TASOR: variants seen among roughly 807,000 people sequenced by gnomAD.
TASOR encodes transcription activation suppressor.
In TASOR, 53 loss-of-function variants were observed where a neutral mutation model predicts 178.6. The ratio of observed to expected loss-of-function variants is 0.30; its 90% confidence interval spans 0.24 to 0.37. The LOEUF (loss-of-function observed/expected upper bound fraction) is 0.37, where lower values mean the gene tolerates loss of function less well. Among genes scored for constraint, TASOR ranks in the 10% least tolerant of loss-of-function variants. The pLI is 1.00. For synonymous variants in TASOR, 713 were observed against 696.2 expected, an observed-to-expected ratio of 1.02 and a Z score of -0.38; for missense variants, 1,815 against 1,971.4, an observed-to-expected ratio of 0.92 and a Z score of 1.50.
In TASOR at chr3:56,621,718, A is replaced by G. The variant is rs545088616; in HGVS notation, c.*1319T>C. On this transcript the variant is annotated 3_prime_UTR_variant, in exon 24 of 24. Transcript: ENST00000683822. Reference sequence around the variant, plus strand: ...TTTTTCAAATAGCCTAGATTTACTTATTTTTTTAAATGCTCATTAAAAACT... The same window carrying G: ...TTTTTCAAATAGCCTAGATTTACTTGTTTTTTTAAATGCTCATTAAAAACT... 37 of 702,692 alleles carry G rather than the reference A, an allele frequency of 5.3e-5. No homozygotes were observed. The East Asian group carries it at 1.1e-3, about 21-fold the overall frequency. 43.5% of individuals were successfully genotyped at this position (702,692 alleles called of 1,614,324 possible). A position where few individuals can be genotyped will look rare whatever the true frequency, so the allele number is the denominator to read the frequency against.
chr3:56,658,976 G>GTA (rs2077534863), intron 11 of TASOR, among the ~76,000 whole-genome samples: 1 of 148,384 alleles, frequency 6.7e-6, no homozygotes, highest in Non-Finnish European at 1.5e-5. Context: ...GTGTGTGTGT[G>GTA]TGTGCACGCG....
At chr3:56,646,041 G>A (rs911954702) in intron 14 of TASOR, among the ~76,000 whole-genome samples, 2 of 152,086 alleles carry the variant, frequency 1.3e-5, no homozygotes, top group Non-Finnish European at 2.9e-5. Context: ...CCAGCTACTC[G>A]GGAGGCTGAG....
intron 5 of TASOR, 149 bp downstream of exon 5, chr3:56,669,551 G>C (rs1416853297): frequency 3.7e-6 from 2 of 546,160 alleles, no homozygotes; most frequent in Non-Finnish European, 6.4e-6. Flanking sequence ...AAAAAAGATG[G>C]CAAATAAACC....
At chr3:56,667,086 G>A (rs1320665540) in intron 6 of TASOR, among the ~76,000 whole-genome samples, 1 of 152,042 alleles carries the variant, frequency 6.6e-6, no homozygotes, top group African/African-American at 2.4e-5. Flanking sequence ...AAAACGTAAG[G>A]CCAGTTTGCA....
At position 56,646,843 on chromosome 3, in the gene TASOR, ACTG is replaced by A; in HGVS notation, c.1891_1893del (p.Gln631del). ...CCTTCATAATCTGAAAGTGGACTAA[ACTG>A]CTGAAGTTTTCTATTTTCTTCAAAT... On this transcript the variant is annotated inframe_deletion, in exon 14 of 24. Coordinates refer to ENST00000683822, the MANE Select transcript of TASOR (RefSeq NM_001365635.2). The A allele has an allele frequency of 2.5e-6, 4 of 1,607,192 alleles. 1 individual carries two copies. Among genetic ancestry groups the A allele is most frequent in the East Asian group, 4.5e-5 (2 of 44,828 alleles).
intron 2 of TASOR, among the ~76,000 whole-genome samples, chr3:56,673,144 T>C (rs1339577643): frequency 6.6e-6 from 1 of 152,204 alleles, no homozygotes; most frequent in East Asian, 1.9e-4. Flanking sequence ...TAGTAAGCTA[T>C]CTCTACACTT....
chr3:56,639,974 T>C lies in TASOR; in HGVS notation c.2764+12A>G, dbSNP rs756060055. The C allele has an allele frequency of 3.8e-6, 6 of 1,596,606 alleles. No individual in the cohort carries two copies. The highest frequency in any genetic ancestry group is 3.5e-5 in the Admixed American group (2 of 56,742). ...AATGAAGCAAACACAAGTCCAAGTA[T>C]ACTTTTCTTACCTGTAATTGGAATC... On this transcript the variant is annotated intron_variant, in intron 16 of 23. Transcript: ENST00000683822.
At chr3:56,625,661 A>G (rs1461214736) in intron 21 of TASOR, among the ~76,000 whole-genome samples, 1 of 152,104 alleles carries the variant, frequency 6.6e-6, no homozygotes, top group African/African-American at 2.4e-5. Flanking sequence ...AAATAAAATT[A>G]AATACACTAT....
rs2076707552 is a variant in TASOR, at chr3:56,622,403, T to A, written c.*634A>T. ...GAAGCCTATCTTTTGAAATAAAAAA[T>A]TTAATTTCATTAAATCAAGGATTGC... On this transcript the variant is annotated 3_prime_UTR_variant, in exon 24 of 24. Coordinates refer to ENST00000683822, the MANE Select transcript of TASOR (RefSeq NM_001365635.2). The A allele has an allele frequency of 6.6e-6, 1 of 152,436 alleles. No homozygotes were observed. Among genetic ancestry groups the A allele is most frequent in the Admixed American group, 6.5e-5 (1 of 15,280 alleles). 9.4% of individuals were successfully genotyped at this position (152,436 alleles called of 1,614,324 possible). A position where few individuals can be genotyped will look rare whatever the true frequency, so the allele number is the denominator to read the frequency against.
chr3:56,674,496 G>C (rs13088629), intron 1 of TASOR, among the ~76,000 whole-genome samples: 4,849 of 152,182 alleles, frequency 0.032, 105 homozygotes, highest in Middle Eastern at 0.078. Context: ...GAGTGAGAGA[G>C]AGACCCTGTC....
chr3:56,663,864 A>G (rs1278414660), intron 7 of TASOR: 13 of 992,448 alleles, frequency 1.3e-5, no homozygotes, highest in African/African-American at 1.7e-5. Flanking sequence ...TCTCTTGTCA[A>G]TTATTTTGCT....
At chr3:56,658,038 A>C (rs2077509708) in intron 11 of TASOR, among the ~76,000 whole-genome samples, 1 of 151,770 alleles carries the variant, frequency 6.6e-6, no homozygotes, top group Admixed American at 6.6e-5. Flanking sequence ...TCTCTGATTC[A>C]GAAAACCTTG....
intron 1 of TASOR, among the ~76,000 whole-genome samples, chr3:56,674,989 TTG>T (rs778725768): frequency 1.3e-4 from 19 of 151,900 alleles, no homozygotes; most frequent in Non-Finnish European, 2.2e-4. Flanking sequence ...CGGCTAATTT[TTG>T]TGTGTGTGTG....
chr3:56,650,521 A>G (rs2107587042), intron 11 of TASOR, among the ~76,000 whole-genome samples: 1 of 152,342 alleles, frequency 6.6e-6, no homozygotes, highest in South Asian at 2.1e-4. Context: ...GACTAGGTCC[A>G]TCTGAAGACC....
chr3:56,633,987 A>G, intron 17 of TASOR, 21 bp from the exon 18 acceptor site: 3 of 1,491,402 alleles, frequency 2.0e-6, no homozygotes, highest in Non-Finnish European at 2.7e-6. Flanking sequence ...AGAGTTCATT[A>G]TTATAAGAGC....
chr3:56,660,823 C>T lies in TASOR; in HGVS notation c.1276G>A (p.Gly426Arg). Residue 426 changes from glycine to arginine, a missense_variant, in exon 11 of 24, where the codon GGA becomes AGA. Physicochemically the swap from Gly to Arg is moderately radical, Grantham distance 125. Coordinates refer to ENST00000683822, the MANE Select transcript of TASOR (RefSeq NM_001365635.2). Reference protein sequence around the residue: ...YLGPNEVLKNGMYCSLYEVVE... With the variant: ...YLGPNEVLKNRMYCSLYEVVE... Reference sequence around the variant, plus strand: ...ACTTCATAAAGGCTGCAATACATTCCATTCTTCAAAACTGACATAAGAAAA... The same window carrying T: ...ACTTCATAAAGGCTGCAATACATTCTATTCTTCAAAACTGACATAAGAAAA... The T allele has an allele frequency of 6.2e-7, 1 of 1,613,574 alleles. No homozygotes were observed. Among genetic ancestry groups the T allele is most frequent in the Non-Finnish European group, 8.5e-7 (1 of 1,179,852 alleles).
chr3:56,633,975 G>C lies in TASOR; in HGVS notation c.2825-9C>G. The C allele has an allele frequency of 6.6e-7, 1 of 1,513,788 alleles. No individual in the cohort carries two copies. The highest frequency in any genetic ancestry group is 8.8e-7 in the Non-Finnish European group (1 of 1,132,070). 93.8% of individuals were successfully genotyped at this position (1,513,788 alleles called of 1,614,324 possible). A position where few individuals can be genotyped will look rare whatever the true frequency, so the allele number is the denominator to read the frequency against. ...TTCTGGTGATTTCATACCTATACAG[G>C]AAGAGTTCATTATTATAAGAGCAAT... On this transcript the variant is annotated splice_polypyrimidine_tract_variant and intron_variant, in intron 17 of 23. Transcript: ENST00000683822.
rs1185314075 is a variant in TASOR at position 56,641,652 on chromosome 3, A to G, written c.2316T>C (p.Phe772=). ...NSGIADIHRL[F]NWLSETLANA... ...TTGCTAGTGTTTCTGATAACCAATTAAACAGCCTATGGATGTCAGCAATGC... is the reference window on the plus strand; with the variant it reads ...TTGCTAGTGTTTCTGATAACCAATTGAACAGCCTATGGATGTCAGCAATGC... Residue 772 remains phenylalanine, a synonymous_variant, in exon 15 of 24, where the codon TTT becomes TTC. Coordinates refer to ENST00000683822, the MANE Select transcript of TASOR (RefSeq NM_001365635.2). 1.2e-6 allele frequency: 2 copies of G among 1,614,188 alleles called. No individual in the cohort carries two copies. The highest frequency in any genetic ancestry group is 1.7e-5 in the Admixed American group (1 of 60,020).
At chr3:56,655,509 A>G (rs925029386) in intron 11 of TASOR, among the ~76,000 whole-genome samples, 2 of 152,112 alleles carry the variant, frequency 1.3e-5, no homozygotes, top group Non-Finnish European at 1.5e-5. Context: ...GTTCATGCCT[A>G]TAATACCAGC....
Sources: gnomAD v4.1 joint callset for allele counts (sites outside exome capture counted in the v4.1 genomes callset) on GRCh38, gnomAD v4.1.1 for gene constraint, MANE v1.5 for transcripts, NCBI Gene and HGNC (gene_info 2026-07-23, HGNC 2026-07-21) for gene names.